NEBL: variants seen among roughly 807,000 people sequenced by gnomAD.
NEBL encodes LIM and SH3 protein 2.
NEBL carries 122 observed loss-of-function variants against 140.2 expected under a neutral mutation model. That is an observed-to-expected ratio of 0.87 (90% CI 0.75 to 1.01). NEBL has a LOEUF of 1.01. NEBL is among the 50% of genes least tolerant of loss of function. The probability of loss-of-function intolerance (pLI) is 0.00; values close to 1 mark genes in which losing one functional copy is unlikely to be tolerated. For missense variants in NEBL, 1,365 were observed against 1,231.3 expected (o/e 1.11, Z -1.62); for synonymous variants, 436 against 398.9 (o/e 1.09, Z -1.11).
rs560822230 is a variant in NEBL, at chr10:20,955,674, G to A, written c.357+5998C>T. Among the ~76,000 whole-genome samples the A allele has an allele frequency of 3.3e-5, 5 of 152,136 alleles. No individual in the cohort carries two copies. In the South Asian group the frequency reaches 1.0e-3, roughly 32 times the overall value. ...GAGGGCCATGGAAAGTATTTTAGTG[G>A]GTCATAATTAGGGTCTTGATGAAAG... On this transcript the variant is annotated intron_variant, in intron 4 of 6. Transcript: ENST00000417816.
At chr10:20,989,463 CG>C (rs1564472280) in intron 3 of NEBL, among the ~76,000 whole-genome samples, 1 of 152,106 alleles carries the variant, frequency 6.6e-6, no homozygotes, top group African/African-American at 2.4e-5. Flanking sequence ...ATAGCTTCAA[CG>C]TAACTCCAAC....
chr10:20,888,029 G>A (rs532786848), intron 4 of NEBL, 68 bp downstream of exon 4: 31 of 1,105,472 alleles, frequency 2.8e-5, no homozygotes, highest in East Asian at 2.1e-4. Context: ...TTATTAAAAC[G>A]CTAAGTAGCT....
intron 2 of NEBL, chr10:21,171,873 T>C (rs1424577062): frequency 5.5e-6 from 1 of 181,554 alleles, no homozygotes; most frequent in African/African-American, 2.4e-5. Flanking sequence ...GGAATACCCA[T>C]GTCTTTGGTT....
At chr10:20,959,654 C>T (rs1835961059) in intron 4 of NEBL, among the ~76,000 whole-genome samples, 1 of 152,076 alleles carries the variant, frequency 6.6e-6, no homozygotes, top group African/African-American at 2.4e-5. Context: ...AAGAGTTGTT[C>T]CCTAATGGTA....
At chr10:21,265,518 A>G (rs898443426) in intron 1 of NEBL, among the ~76,000 whole-genome samples, 8 of 152,284 alleles carry the variant, frequency 5.3e-5, no homozygotes, top group African/African-American at 1.9e-4. Flanking sequence ...GTGTGACTGT[A>G]TTGGTTGAAT....
intron 4 of NEBL, among the ~76,000 whole-genome samples, chr10:20,905,767 T>C (rs1848067364): frequency 6.6e-6 from 1 of 152,066 alleles, no homozygotes; most frequent in African/African-American, 2.4e-5. Context: ...ACTGGAGCAA[T>C]ACAATAGGAC....
At chr10:20,972,108 C>T (rs1836600501) in intron 3 of NEBL, among the ~76,000 whole-genome samples, 1 of 152,094 alleles carries the variant, frequency 6.6e-6, no homozygotes, top group Non-Finnish European at 1.5e-5. Flanking sequence ...AAAGCTACAT[C>T]CTAACTAGCT....
At chr10:21,207,037 A>G (rs1270141597) in intron 3 of NEBL, among the ~76,000 whole-genome samples, 1 of 135,840 alleles carries the variant, frequency 7.4e-6, no homozygotes, top group Non-Finnish European at 1.5e-5. Flanking sequence ...GCAGTGGTGC[A>G]GGCTCGGCTT....
At chr10:20,956,333 G>A (rs1044091163) in intron 4 of NEBL, among the ~76,000 whole-genome samples, 4 of 152,218 alleles carry the variant, frequency 2.6e-5, no homozygotes, top group Admixed American at 6.5e-5. Context: ...CATCTGTTAG[G>A]TATTATGAGA....
chr10:21,075,862 G>A (rs927153960), intron 2 of NEBL, among the ~76,000 whole-genome samples: 51 of 152,164 alleles, frequency 3.4e-4, no homozygotes, highest in Non-Finnish European at 1.3e-4. Flanking sequence ...ATTTAAAAAA[G>A]GGCAGAGGAT....
Position 21,003,003 on chromosome 10 carries a change from CTTTTTTT to C in NEBL, c.249+17107_249+17113del, listed in dbSNP as rs10539676. Among the ~76,000 whole-genome samples the C allele has an allele frequency of 4.3e-3, 554 of 127,766 alleles. 5 individuals are homozygous for C. Among genetic ancestry groups the C allele is most frequent in the African/African-American group, 0.014 (476 of 33,212 alleles). The allele number at this position is 127,766 out of a possible 152,430, so 83.8% of individuals were successfully genotyped here. A position where few individuals can be genotyped will look rare whatever the true frequency, so the allele number is the denominator to read the frequency against. On this transcript the variant is annotated intron_variant, in intron 3 of 6. Transcript: ENST00000417816. ...CATCACAGGTATTTTCATTATGTGG[CTTTTTTT>C]TTTTTTTTTTTTTCAAATTTAGCCC...
At chr10:20,899,063 G>A (rs1301076520), upstream of NEBL, among the ~76,000 whole-genome samples, 2 of 152,112 alleles carry the variant, frequency 1.3e-5, no homozygotes, top group Non-Finnish European at 2.9e-5. Flanking sequence ...TATCATGCTG[G>A]CCCAGTGTAG....
intron 3 of NEBL, among the ~76,000 whole-genome samples, chr10:21,194,670 C>T (rs991628975): frequency 1.3e-5 from 2 of 152,120 alleles, no homozygotes; most frequent in African/African-American, 2.4e-5. Context: ...AAGTCCTATA[C>T]CCGTACTTTG....
At position 21,073,935 on chromosome 10, in the gene NEBL, C is replaced by T. The variant is rs1472537448; in HGVS notation, c.165-53734G>A. Among the ~76,000 whole-genome samples the T allele has an allele frequency of 3.3e-5, 5 of 152,124 alleles. No individual in the cohort carries two copies. In the South Asian group the frequency reaches 8.3e-4, roughly 25 times the overall value. ...TAAAAATACAAAAAAATTAGCCGGA[C>T]GTGGTGGCGGGTGCCTGTAGTCCCA... On this transcript the variant is annotated intron_variant, in intron 2 of 6. Transcript: ENST00000417816.
At chr10:21,034,160 C>T (rs1351662515) in intron 2 of NEBL, among the ~76,000 whole-genome samples, 3 of 115,884 alleles carry the variant, frequency 2.6e-5, no homozygotes, top group Admixed American at 2.0e-4. Context: ...GAGCAAGACC[C>T]TATCTCGAAA....
At chr10:20,851,282 A>G (rs1441442024) in intron 10 of NEBL, among the ~76,000 whole-genome samples, 1 of 152,142 alleles carries the variant, frequency 6.6e-6, no homozygotes, top group Non-Finnish European at 1.5e-5. Context: ...ATATCTATAC[A>G]ATTATTTCTT....
intron 4 of NEBL, among the ~76,000 whole-genome samples, chr10:20,921,354 G>A (rs12356048): frequency 0.68 from 103,844 of 152,078 alleles, 35,775 homozygotes; most frequent in African/African-American, 0.73. Flanking sequence ...CTGAACCTGA[G>A]CACTGCATCT....
chr10:21,167,426 T>C (rs1047921162), intron 2 of NEBL, among the ~76,000 whole-genome samples: 3 of 152,212 alleles, frequency 2.0e-5, no homozygotes, highest in African/African-American at 7.2e-5. Flanking sequence ...CTGTGAATAA[T>C]GTTCAGCCGA....
intron 4 of NEBL, among the ~76,000 whole-genome samples, chr10:20,907,396 C>T (rs897263906): frequency 5.9e-5 from 9 of 152,160 alleles, no homozygotes; most frequent in Middle Eastern, 6.8e-3. Flanking sequence ...GACGTAAAGT[C>T]CCACTAGTTT....
Sources: gnomAD v4.1 joint callset for allele counts (sites outside exome capture counted in the v4.1 genomes callset) on GRCh38, gnomAD v4.1.1 for gene constraint, MANE v1.5 for transcripts, NCBI Gene and HGNC (gene_info 2026-07-23, HGNC 2026-07-21) for gene names.